Variants in CTNND2 observed in about 807,000 individuals in gnomAD.
CTNND2 encodes the protein catenin delta-2.
Under a neutral mutation model 144.4 loss-of-function variants are expected in CTNND2, and 22 were observed. That is an observed-to-expected ratio of 0.15 (90% CI 0.11 to 0.22). CTNND2 has a LOEUF of 0.22. CTNND2 is among the 10% of genes least tolerant of loss of function. CTNND2 has a pLI of 1.00. For synonymous variants in CTNND2, 751 were observed against 695.6 expected, an observed-to-expected ratio of 1.08 and a Z score of -1.25; for missense variants, 1,353 against 1,618.8, an observed-to-expected ratio of 0.84 and a Z score of 2.82.
intron 12 of CTNND2, among the ~76,000 whole-genome samples, chr5:11,137,761 C>T (rs1236739880): frequency 1.3e-5 from 2 of 152,138 alleles, no homozygotes; most frequent in Non-Finnish European, 2.9e-5. Context: ...TCAGAATATT[C>T]CTGATGTCTA....
chr5:11,439,054 A>G (rs1379118958), intron 3 of CTNND2, among the ~76,000 whole-genome samples: 1 of 152,044 alleles, frequency 6.6e-6, no homozygotes, highest in African/African-American at 2.4e-5. Context: ...CAAGCAGCAG[A>G]CACGCATTCT....
At chr5:11,854,724 C>G (rs1331723718) in intron 1 of CTNND2, among the ~76,000 whole-genome samples, 1 of 152,182 alleles carries the variant, frequency 6.6e-6, no homozygotes, top group Non-Finnish European at 1.5e-5. Flanking sequence ...CAACACTGAA[C>G]TAGGAATTCA....
intron 1 of CTNND2, among the ~76,000 whole-genome samples, chr5:11,797,014 T>A (rs185409330): frequency 8.2e-4 from 125 of 152,296 alleles, no homozygotes; most frequent in Middle Eastern, 3.4e-3. Flanking sequence ...TTTATCTCAT[T>A]GTGTTTATAT....
At chr5:11,505,090 TAA>T (rs1441716904) in intron 3 of CTNND2, among the ~76,000 whole-genome samples, 1 of 152,108 alleles carries the variant, frequency 6.6e-6, no homozygotes, top group Non-Finnish European at 1.5e-5. Flanking sequence ...ATATTTCTGT[TAA>T]AAGAGTTGGT....
At chr5:11,486,141 A>G (rs542769522) in intron 3 of CTNND2, among the ~76,000 whole-genome samples, 4 of 152,350 alleles carry the variant, frequency 2.6e-5, no homozygotes, top group African/African-American at 9.6e-5. Context: ...CCTCCATTTC[A>G]GAATGACCAG....
intron 9 of CTNND2, among the ~76,000 whole-genome samples, chr5:11,303,066 A>C (rs27522): frequency 2.6e-5 from 4 of 152,216 alleles, no homozygotes; most frequent in South Asian, 2.1e-4. Context: ...TAATGTTCCA[A>C]GTATGTCTTT....
chr5:11,808,167 C>T (rs1443575368), intron 1 of CTNND2, among the ~76,000 whole-genome samples: 2 of 152,190 alleles, frequency 1.3e-5, no homozygotes, highest in Non-Finnish European at 2.9e-5. Context: ...CTGTACCACA[C>T]CACATTAAAC....
intron 2 of CTNND2, among the ~76,000 whole-genome samples, chr5:11,651,614 C>A (rs1782649454): frequency 6.6e-6 from 1 of 152,230 alleles, no homozygotes; most frequent in South Asian, 2.1e-4. Flanking sequence ...GCCACAGAAG[C>A]TGTAACCTGC....
rs776017906 is a variant in CTNND2 at position 11,480,641 on chromosome 5, CAT to C, written c.288-68574_288-68573del. On this transcript the variant is annotated intron_variant, in intron 3 of 21. Coordinates refer to ENST00000304623, the MANE Select transcript of CTNND2 (RefSeq NM_001332.4). ...ATGCTTGTTCTATGATTTGAAAATA[CAT>C]ATATGTGTGTGTGTGTGTGTGTGTG... 5.7e-3 allele frequency among the ~76,000 whole-genome samples: 463 copies of C among 80,990 alleles called. 3 individuals are homozygous for C. The highest frequency in any genetic ancestry group is 0.02 in the African/African-American group (320 of 16,290). 53.1% of individuals were successfully genotyped at this position (80,990 alleles called of 152,430 possible). A position where few individuals can be genotyped will look rare whatever the true frequency, so the allele number is the denominator to read the frequency against.
At chr5:11,476,255 G>A (rs543145730) in intron 3 of CTNND2, among the ~76,000 whole-genome samples, 14 of 152,064 alleles carry the variant, frequency 9.2e-5, no homozygotes, top group Middle Eastern at 3.4e-3. Flanking sequence ...CAGAACCTCC[G>A]AGTGTCTTTA....
At chr5:11,336,248 C>T (rs1324204383) in intron 9 of CTNND2, among the ~76,000 whole-genome samples, 4 of 152,198 alleles carry the variant, frequency 2.6e-5, no homozygotes, top group African/African-American at 9.7e-5. Context: ...CTTTGTTCAA[C>T]ATGCCAATAA....
chr5:11,402,572 G>C (rs1760728674), intron 5 of CTNND2, among the ~76,000 whole-genome samples: 1 of 152,176 alleles, frequency 6.6e-6, no homozygotes, highest in African/African-American at 2.4e-5. Context: ...TAGAGTAAGA[G>C]GTAGCTACTG....
At chr5:11,377,335 G>GT (rs1758041543) in intron 7 of CTNND2, among the ~76,000 whole-genome samples, 1 of 152,130 alleles carries the variant, frequency 6.6e-6, no homozygotes, top group South Asian at 2.1e-4. Flanking sequence ...GATTACAGGT[G>GT]TGAGCCACTG....
chr5:11,771,477 T>A (rs550116599), intron 1 of CTNND2, among the ~76,000 whole-genome samples: 30 of 151,988 alleles, frequency 2.0e-4, no homozygotes, highest in African/African-American at 6.5e-4. Flanking sequence ...AAGAATAGAG[T>A]TAAAATACTT....
chr5:11,459,573 G>A (rs1299321201), intron 3 of CTNND2, among the ~76,000 whole-genome samples: 1 of 152,156 alleles, frequency 6.6e-6, no homozygotes, highest in Non-Finnish European at 1.5e-5. Context: ...TGCTAAGTAC[G>A]TCTGTTCTAA....
chr5:11,571,260 T>C (rs955157053), intron 2 of CTNND2, among the ~76,000 whole-genome samples: 7 of 152,152 alleles, frequency 4.6e-5, no homozygotes, highest in Non-Finnish European at 7.4e-5. Context: ...TATGTGACTG[T>C]TGGGGTGAAA....
chr5:11,656,025 A>AG (rs1782896964), intron 2 of CTNND2, among the ~76,000 whole-genome samples: 1 of 152,020 alleles, frequency 6.6e-6, no homozygotes, highest in African/African-American at 2.4e-5. Context: ...AAATTATTTT[A>AG]GTTTTAAAGT....
At chr5:11,636,030 C>CT (rs1781680998) in intron 2 of CTNND2, among the ~76,000 whole-genome samples, 1 of 120,256 alleles carries the variant, frequency 8.3e-6, no homozygotes, top group Non-Finnish European at 1.8e-5. Flanking sequence ...TTTAATCCCC[C>CT]CCCACCCCCG....
intron 2 of CTNND2, among the ~76,000 whole-genome samples, chr5:11,725,705 A>C (rs1207968197): frequency 6.6e-6 from 1 of 152,218 alleles, no homozygotes; most frequent in Admixed American, 6.5e-5. Flanking sequence ...TATATGATTT[A>C]ATTATATATC....
Sources: gnomAD v4.1 joint callset for allele counts (sites outside exome capture counted in the v4.1 genomes callset) on GRCh38, gnomAD v4.1.1 for gene constraint, MANE v1.5 for transcripts, NCBI Gene and HGNC (gene_info 2026-07-23, HGNC 2026-07-21) for gene names.